Variants in DMWD observed in about 807,000 individuals in gnomAD.
The protein encoded by DMWD is DM1 locus, WD repeat containing.
Under a neutral mutation model 45.8 loss-of-function variants are expected in DMWD, and 19 were observed. The ratio of observed to expected loss-of-function variants is 0.41; its 90% CI spans 0.29 to 0.61. The LOEUF (loss-of-function observed/expected upper bound fraction) is 0.61, where lower values mean the gene tolerates loss of function less well. DMWD is among the 20% of genes least tolerant of loss of function. DMWD has a pLI of 0.25. For synonymous variants in DMWD, 515 were observed against 440.5 expected, an observed-to-expected ratio of 1.17 and a Z score of -2.12; for missense variants, 802 against 965.2, an observed-to-expected ratio of 0.83 and a Z score of 2.24.
At chr19:45,787,074 A>G in intron 2 of DMWD, 1 of 975,646 alleles carries the variant, frequency 1.0e-6, no homozygotes, top group Non-Finnish European at 1.5e-6. Flanking sequence ...ATGGGGAAAC[A>G]GAGGCTGCTG....
Position 45,783,998 on chromosome 19 carries a change from G to A in DMWD, c.*245C>T, listed in dbSNP as rs1970225547. The stretch of plus-strand genomic sequence containing the variant: ...GGACAGGGATGAGGGTAACACTGAT[G>A]TTTCAGAGGAAGAGGTCATTGTACT... On this transcript the variant is annotated 3_prime_UTR_variant, in exon 5 of 5. Coordinates refer to ENST00000270223, the MANE Select transcript of DMWD (RefSeq NM_004943.2). 1 of 640,120 alleles carries A rather than the reference G, an allele frequency of 1.6e-6. No individual in the cohort carries two copies. Among genetic ancestry groups the A allele is most frequent in the Non-Finnish European group, 2.8e-6 (1 of 362,704 alleles). 39.7% of individuals were successfully genotyped at this position (640,120 alleles called of 1,614,324 possible).
At chr19:45,784,373 G>A in intron 4 of DMWD, 83 bp from the exon 5 acceptor site, 5 of 1,413,608 alleles carry the variant, frequency 3.5e-6, no homozygotes, top group Non-Finnish European at 3.8e-6. Flanking sequence ...AGCCAGCCCA[G>A]AGTCCCCAAA....
rs941811780 is a variant in DMWD at position 45,784,262 on chromosome 19, G to A, written c.2006C>T (p.Pro669Leu). 14 of 1,526,906 alleles carry A rather than the reference G, an allele frequency of 9.2e-6. No homozygotes were observed. The highest frequency in any genetic ancestry group is 2.6e-5 in the South Asian group (2 of 77,496). The allele number at this position is 1,526,906 out of a possible 1,614,324, so 94.6% of individuals were successfully genotyped here. Residue 669 changes from proline (P) to leucine (L), a missense_variant, in exon 5 of 5, where the codon CCG (proline) becomes CTG (leucine). Physicochemically the swap from Pro to Leu is moderately conservative, Grantham distance 98. This residue lies in a region of DMWD where 303 missense variants were observed against 332.9 expected (regional missense o/e 0.91). Transcript: ENST00000270223. Reference sequence around the variant, plus strand: ...ATGGCTTCACACCACTGTGCCACTCGGGGAGTTGCCTGGTTGGGAGGAGAT... The same window carrying A: ...ATGGCTTCACACCACTGTGCCACTCAGGGAGTTGCCTGGTTGGGAGGAGAT... Reference protein sequence around the residue: ...EGISSQPGNSPSGTVV With the variant: ...EGISSQPGNSLSGTVV
In DMWD at chr19:45,785,767, T is replaced by C; in HGVS notation, c.1729A>G (p.Lys577Glu). 6.2e-7 allele frequency: 1 copy of C among 1,611,312 alleles called. No homozygotes were observed. The highest frequency in any genetic ancestry group is 8.5e-7 in the Non-Finnish European group (1 of 1,178,976). Residue 577 changes from lysine to glutamate, a missense_variant, in exon 3 of 5, where the codon AAG becomes GAG. By Grantham distance (56) the Lys-to-Glu change is moderately conservative. Around this residue, in one of 9 missense-constraint regions of DMWD, gnomAD observed 303 missense variants for 332.9 expected, o/e 0.91. Coordinates refer to ENST00000270223, the MANE Select transcript of DMWD (RefSeq NM_004943.2). ...GGGCACAGCGCAGTGCCCAGCACCT[T>C]GGCGGGGTCCAGGCGGCTGCGGGGA... ...PVPRSRLDPA[K>E]VLGTALCPRI...
chr19:45,785,162 T>C (rs1600461366), intron 3 of DMWD: 1 of 1,025,052 alleles, frequency 9.8e-7, no homozygotes, highest in African/African-American at 1.7e-5. Context: ...AGATCCTGAG[T>C]CCCAGACCCA....
At chr19:45,791,225 G>A (rs952018842) in intron 1 of DMWD, 138 bp from the exon 2 acceptor site, 20 of 817,252 alleles carry the variant, frequency 2.4e-5, no homozygotes, top group African/African-American at 1.2e-4. Context: ...GGTGGATTGC[G>A]AAGGACGGGG....
chr19:45,786,229 T>C lies in DMWD; in HGVS notation c.1267A>G (p.Lys423Glu), dbSNP rs1970273950. 1.4e-5 allele frequency: 23 copies of C among 1,611,172 alleles called. No homozygotes were observed. The highest frequency in any genetic ancestry group is 2.0e-5 in the Non-Finnish European group (23 of 1,178,752). Residue 423 changes from lysine to glutamate, a missense_variant, in exon 3 of 5, where the codon AAG becomes GAG. Coordinates refer to ENST00000270223, the MANE Select transcript of DMWD (RefSeq NM_004943.2). ...AGGAPLSPLP[K>E]AGSITYRFGS... ...AAGCGGTAAGTAATGGAGCCAGCCTTGGGCAGTGGAGAGAGCGGGGCGCCC... is the reference window on the plus strand; with the variant it reads ...AAGCGGTAAGTAATGGAGCCAGCCTCGGGCAGTGGAGAGAGCGGGGCGCCC...
At chr19:45,785,243 G>A (rs899076873) in intron 3 of DMWD, 2 of 1,061,630 alleles carry the variant, frequency 1.9e-6, no homozygotes, top group Non-Finnish European at 2.3e-6. Context: ...AAAGTTTCAC[G>A]ATTTAAAAAA....
chr19:45,785,900 C>T lies in DMWD; in HGVS notation c.1596G>A (p.Arg532=), dbSNP rs1292024728. The change falls in exon 3 of 5, where the codon CGG becomes CGA. Residue 532 remains arginine, a synonymous_variant. Transcript: ENST00000270223. The part of the protein sequence containing the change: ...RFATLTLQER[R]DRGAEKEHKR... ...TGTGCTCCTTCTCTGCCCCCCGGTC[C>T]CGCCGCTCCTGCAGTGTGAGCGTGG... 1 of 1,604,136 alleles carries T rather than the reference C, an allele frequency of 6.2e-7. No homozygotes were observed. The highest frequency in any genetic ancestry group is 2.2e-5 in the East Asian group (1 of 44,876).
intron 1 of DMWD, among the ~76,000 whole-genome samples, chr19:45,792,079 C>T (rs149297762): frequency 9.3e-4 from 142 of 152,270 alleles, no homozygotes; most frequent in Middle Eastern, 3.4e-3. Flanking sequence ...AGAACTCCTA[C>T]GCATAACGGG....
At position 45,792,759 on chromosome 19, in the gene DMWD, T is replaced by C. The variant is rs1221299084; in HGVS notation, c.-3A>G. 7 of 1,127,270 alleles carry C rather than the reference T, an allele frequency of 6.2e-6. No individual in the cohort carries two copies. The highest frequency in any genetic ancestry group is 1.7e-5 in the African/African-American group (1 of 60,476). The allele number at this position is 1,127,270 out of a possible 1,614,324, so 69.8% of individuals were successfully genotyped here. ...CCCTCCGCGCCGCCCGCCGCCATCTTGGGCGCCCCCCGGGCCCCGCCACTG... is the reference window on the plus strand; with the variant it reads ...CCCTCCGCGCCGCCCGCCGCCATCTCGGGCGCCCCCCGGGCCCCGCCACTG... On this transcript the variant is annotated 5_prime_UTR_variant, in exon 1 of 5. Coordinates refer to ENST00000270223, the MANE Select transcript of DMWD (RefSeq NM_004943.2).
chr19:45,790,609 C>T (rs1245047360), intron 2 of DMWD: 6 of 201,990 alleles, frequency 3.0e-5, no homozygotes, highest in Non-Finnish European at 6.0e-5. Flanking sequence ...GCAGAGATCG[C>T]GCCACTGCAC....
chr19:45,784,540 GGGGTAA>G (rs752898991), intron 4 of DMWD, 95 bp downstream of exon 4: 6 of 1,577,614 alleles, frequency 3.8e-6, no homozygotes, highest in South Asian at 1.1e-5. Flanking sequence ...GTGAGACCAT[GGGGTAA>G]GGGTAAGGGT....
chr19:45,792,647 G>A lies in DMWD; in HGVS notation c.110C>T (p.Pro37Leu), dbSNP rs1970369552. The A allele has an allele frequency of 3.0e-6, 4 of 1,335,502 alleles. No individual in the cohort carries two copies. Among genetic ancestry groups the A allele is most frequent in the Non-Finnish European group, 1.9e-6 (2 of 1,027,484 alleles). The allele number at this position is 1,335,502 out of a possible 1,614,324, so 82.7% of individuals were successfully genotyped here. The change falls in exon 1 of 5, where the codon CCG becomes CTG. Residue 37 changes from proline (P) to leucine (L), a missense_variant. Physicochemically the swap from Pro to Leu is moderately conservative, Grantham distance 98. Coordinates refer to ENST00000270223, the MANE Select transcript of DMWD (RefSeq NM_004943.2). ...CGACCTGCGAGCGGCGCCGTCGCCC[G>A]GGAGTAGCTTGTAGAAACCCTCGCG... Reference protein sequence around the residue: ...RTREGFYKLLPGDGAARRSGP... With the variant: ...RTREGFYKLLLGDGAARRSGP...
At position 45,786,576 on chromosome 19, in the gene DMWD, C is replaced by T. The variant is rs1970282008; in HGVS notation, c.920G>A (p.Cys307Tyr). Residue 307 changes from cysteine to tyrosine, a missense_variant, in exon 3 of 5, where the codon TGC (cysteine) becomes TAC (tyrosine). Around this residue, in one of 9 missense-constraint regions of DMWD, gnomAD observed 146 missense variants for 212.8 expected, o/e 0.69. Coordinates refer to ENST00000270223, the MANE Select transcript of DMWD (RefSeq NM_004943.2). ...RHLACVSQDGCLRVFHFDSML... is the reference protein window; with the variant it reads ...RHLACVSQDGYLRVFHFDSML... ...GGAGTCGAAGTGGAAGACGCGCAGG[C>T]AGCCATCCTGGCTCACACAGGCCAG... 3.7e-6 allele frequency: 6 copies of T among 1,613,890 alleles called. No individual in the cohort carries two copies. The highest frequency in any genetic ancestry group is 1.1e-5 in the South Asian group (1 of 91,094).
intron 2 of DMWD, among the ~76,000 whole-genome samples, chr19:45,788,932 A>G (rs1385185118): frequency 8.2e-5 from 10 of 122,668 alleles, no homozygotes; most frequent in South Asian, 4.6e-4. Flanking sequence ...CTATCTCAGG[A>G]AAAAAAAAAA....
At chr19:45,789,704 T>C (rs1035564644) in intron 2 of DMWD, 1 of 152,384 alleles carries the variant, frequency 6.6e-6, no homozygotes, top group East Asian at 1.9e-4. Flanking sequence ...AGCACACTTC[T>C]GTATCCACTG....
chr19:45,784,803 T>G, intron 3 of DMWD, 88 bp from the exon 4 acceptor site: 4 of 1,545,072 alleles, frequency 2.6e-6, no homozygotes, highest in Non-Finnish European at 3.5e-6. Context: ...GACTGTGCTC[T>G]CAAGTTCTAG....
intron 1 of DMWD, 75 bp from the exon 2 acceptor site, chr19:45,791,162 A>C: frequency 6.9e-7 from 1 of 1,458,768 alleles, no homozygotes. Context: ...GGTTGGGGGA[A>C]ACCACTAAGA....
Sources: allele counts gnomAD v4.1 joint callset (sites outside exome capture counted in the v4.1 genomes callset), GRCh38; gene constraint gnomAD v4.1.1; regional missense constraint gnomAD v4.1.1; transcripts MANE v1.5; gene names NCBI Gene and HGNC (gene_info 2026-07-23, HGNC 2026-07-21).